Variants in ARSA observed in about 807,000 individuals in gnomAD.
The protein encoded by ARSA is cerebroside-sulfatase.
A neutral mutation model predicts 37.8 loss-of-function variants in ARSA; 32 were observed. The observed-to-expected ratio is 0.85, with a 90% CI of 0.64 to 1.14. The LOEUF (loss-of-function observed/expected upper bound fraction) is 1.14, where lower values mean the gene tolerates loss of function less well. ARSA is among the 50% of genes most tolerant of loss of function. ARSA has a pLI of 0.00. For synonymous variants in ARSA, 303 were observed against 303.4 expected, an observed-to-expected ratio of 1.00 and a Z score of 0.01; for missense variants, 685 against 686.3, an observed-to-expected ratio of 1.00 and a Z score of 0.02.
Position 50,626,740 on chromosome 22 carries a change from G to A in ARSA, c.705C>T (p.Phe235=), listed in dbSNP as rs371985225. 2 of 1,613,656 alleles carry A rather than the reference G, an allele frequency of 1.2e-6. No individual in the cohort carries two copies. The highest frequency in any genetic ancestry group is 2.7e-5 in the African/African-American group (2 of 74,932). The change falls in exon 4 of 8, where the codon TTC becomes TTT. Residue 235 remains phenylalanine, a synonymous_variant. Coordinates refer to ENST00000216124, the MANE Select transcript of ARSA (RefSeq NM_000487.6). ...AACGCTCTGCAAAGCTCTGCCCACT[G>A]AACTGAGGGTAGTGGGTGTGCTGGG... ...YASHHTHYPQ[F]SGQSFAERSG...
Position 50,628,058 on chromosome 22 carries a change from A to G in ARSA, c.-279T>C. ...GTCCGGGCTCAGGGTCGGGGGCGTAAGTCACTTGGCGCTGACCAGCGGAGT... is the reference window on the plus strand; with the variant it reads ...GTCCGGGCTCAGGGTCGGGGGCGTAGGTCACTTGGCGCTGACCAGCGGAGT... On this transcript the variant is annotated 5_prime_UTR_variant, in exon 1 of 8. Coordinates refer to ENST00000216124, the MANE Select transcript of ARSA (RefSeq NM_000487.6). 2.1e-6 allele frequency: 1 copy of G among 476,884 alleles called. No homozygotes were observed. Among genetic ancestry groups the G allele is most frequent in the East Asian group, 3.7e-5 (1 of 26,702 alleles). The allele number at this position is 476,884 out of a possible 1,614,324, so 29.5% of individuals were successfully genotyped here. A position where few individuals can be genotyped will look rare whatever the true frequency, so the allele number is the denominator to read the frequency against.
Position 50,625,297 on chromosome 22 carries a change from G to C in ARSA, c.1378C>G (p.Gln460Glu), listed in dbSNP as rs973061258. The stretch of plus-strand genomic sequence containing the variant: ...AACTGGGCCTTGAGCAGCTGAAGCT[G>C]TTTCAGGGCTTGCAGCACCTCTGGG... ...ATPEVLQALKQLQLLKAQLDA... is the reference protein window; with the variant it reads ...ATPEVLQALKELQLLKAQLDA... The change falls in exon 8 of 8, where the codon CAG (glutamine) becomes GAG (glutamate). Residue 460 changes from glutamine to glutamate, a missense_variant. By Grantham distance (29) the Gln-to-Glu change is conservative. Transcript: ENST00000216124. The C allele has an allele frequency of 6.8e-6, 11 of 1,612,910 alleles. No homozygotes were observed. The highest frequency in any genetic ancestry group is 9.3e-6 in the Non-Finnish European group (11 of 1,179,956).
Position 50,625,219 on chromosome 22 carries a change from C to CG in ARSA, c.1455dup (p.Ala486ArgfsTer87). The CG allele has an allele frequency of 6.2e-7, 1 of 1,607,770 alleles. No homozygotes were observed. Among genetic ancestry groups the CG allele is most frequent in the Non-Finnish European group, 8.5e-7 (1 of 1,176,888 alleles). On this transcript the variant is annotated frameshift_variant, in exon 8 of 8. Coordinates refer to ENST00000216124, the MANE Select transcript of ARSA (RefSeq NM_000487.6). LOFTEE classifies it high-confidence loss of function. ...CCAGGATGACAGCAGATCTGCAGGG[C>CG]GGGGTCCTCGCCCCGGGCCACCTGG...
intron 4 of ARSA, 78 bp from the exon 5 acceptor site, chr22:50,626,356 C>G (rs562926840): frequency 1.3e-6 from 2 of 1,582,694 alleles, no homozygotes; most frequent in African/African-American, 1.3e-5. Context: ...CCCCACACCT[C>G]TAAGTCACAA....
chr22:50,626,387 G>C, intron 4 of ARSA, 109 bp from the exon 5 acceptor site: 1 of 1,543,412 alleles, frequency 6.5e-7, no homozygotes, highest in Non-Finnish European at 8.7e-7. Flanking sequence ...GAGGTGCCCA[G>C]CATGAGCCCG....
At chr22:50,625,894 G>T (rs1202509973) in intron 6 of ARSA, 42 bp downstream of exon 6, 1 of 1,562,464 alleles carries the variant, frequency 6.4e-7, no homozygotes, top group Admixed American at 1.9e-5. Context: ...GGAAGGCCAG[G>T]ACAGGGGCCA....
At position 50,624,717 on chromosome 22, in the gene ARSA, C is replaced by T. The variant is rs965150074; in HGVS notation, c.*428G>A. ...ACTTTGCATCTTCTGAGTCTTCTGG[C>T]CCTCACACCCTCCCACCCTCCCACC... On this transcript the variant is annotated 3_prime_UTR_variant, in exon 8 of 8. Transcript: ENST00000216124. Among the ~76,000 whole-genome samples the T allele has an allele frequency of 4.0e-5, 6 of 151,884 alleles. No homozygotes were observed. The highest frequency in any genetic ancestry group is 1.2e-4 in the African/African-American group (5 of 41,434).
At chr22:50,627,526 G>A (rs769843976) in intron 1 of ARSA, 30 bp downstream of exon 1, 2 of 1,567,630 alleles carry the variant, frequency 1.3e-6, no homozygotes, top group Non-Finnish European at 1.7e-6. Context: ...GGAGGGTCGG[G>A]GCGGGGAAGA....
chr22:50,624,501 C>T lies in ARSA; in HGVS notation c.*644G>A, dbSNP rs929970654. Reference sequence around the variant, plus strand: ...GAGGCCTGGGAGGGTGGAGGGGCCCCAGAGGAGCCGTCTCAGGGCCTGCTG... The same window carrying T: ...GAGGCCTGGGAGGGTGGAGGGGCCCTAGAGGAGCCGTCTCAGGGCCTGCTG... On this transcript the variant is annotated 3_prime_UTR_variant, in exon 8 of 8. Coordinates refer to ENST00000216124, the MANE Select transcript of ARSA (RefSeq NM_000487.6). Among the ~76,000 whole-genome samples, 5 of 152,108 alleles carry T rather than the reference C, an allele frequency of 3.3e-5. No individual in the cohort carries two copies. Among genetic ancestry groups the T allele is most frequent in the Non-Finnish European group, 7.4e-5 (5 of 68,004 alleles).
chr22:50,627,795 G>C lies in ARSA; in HGVS notation c.-16C>G, dbSNP rs2082703346. The C allele has an allele frequency of 6.5e-7, 1 of 1,536,230 alleles. No individual in the cohort carries two copies. On this transcript the variant is annotated 5_prime_UTR_variant, in exon 1 of 8. Transcript: ENST00000216124. ...CCATGGACATGGGACCGAGGGGTCT[G>C]TCCCAAGAGAGGGAGGGCTACTTGG...
chr22:50,625,695 CA>C lies in ARSA; in HGVS notation c.1108-15del. 1 of 1,611,462 alleles carries C rather than the reference CA, an allele frequency of 6.2e-7. No individual in the cohort carries two copies. The highest frequency in any genetic ancestry group is 8.5e-7 in the Non-Finnish European group (1 of 1,178,352). ...CTGCCGAGGGCTCTGGGGGCAGAGT[CA>C]GGGGTCACGGGGCGGGGCAGGCCCC... On this transcript the variant is annotated splice_polypyrimidine_tract_variant and intron_variant, in intron 6 of 7. Coordinates refer to ENST00000216124, the MANE Select transcript of ARSA (RefSeq NM_000487.6).
At position 50,627,669 on chromosome 22, in the gene ARSA, G is replaced by GTGCCCATAGCAGCCCAGT. The variant is rs1569082469; in HGVS notation, c.110_111insACTGGGCTGCTATGGGCA (p.Asp37delinsGluLeuGlyCysTyrGlyHis). The GTGCCCATAGCAGCCCAGT allele has an allele frequency of 1.9e-6, 3 of 1,558,498 alleles. No homozygotes were observed. The highest frequency in any genetic ancestry group is 3.9e-5 in the Admixed American group (2 of 51,732). On this transcript the variant is annotated protein_altering_variant, in exon 1 of 8. Transcript: ENST00000216124. ...AGCTGGGGTGCCCATAGCAGCCCAG[G>GTGCCCATAGCAGCCCAGT]TCCCCATAGCCGAGGTCGTCGGCAA...
Position 50,624,927 on chromosome 22 carries a change from A to G in ARSA, c.*218T>C, listed in dbSNP as rs2082637256. On this transcript the variant is annotated 3_prime_UTR_variant, in exon 8 of 8. Transcript: ENST00000216124. ...CCTCTTTCTGGCTGGGTGATCTTGT[A>G]CAAGTCCTGAACCTCTCTGCACCTC... 1 of 588,762 alleles carries G rather than the reference A, an allele frequency of 1.7e-6. No homozygotes were observed. The highest frequency in any genetic ancestry group is 2.9e-6 in the Non-Finnish European group (1 of 349,696). The allele number at this position is 588,762 out of a possible 1,614,324, so 36.5% of individuals were successfully genotyped here. A position where few individuals can be genotyped will look rare whatever the true frequency, so the allele number is the denominator to read the frequency against.
rs757603437 is a variant in ARSA at position 50,625,612 on chromosome 22, T to C, written c.1177A>G (p.Thr393Ala). The change falls in exon 7 of 8, where the codon ACT becomes GCT. Residue 393 changes from threonine (T) to alanine (A), a missense_variant. Physicochemically the swap from Thr to Ala is moderately conservative, Grantham distance 58 (BLOSUM62 0). Transcript: ENST00000216124. The stretch of plus-strand genomic sequence containing the variant: ...AAGAAGTGAGCCTTGTACTTTCCAG[T>C]CCGCACAGCAAAAACCCCACGGACC... ...DEVRGVFAVR[T>A]GKYKAHFFTQ... 55 of 1,613,332 alleles carry C rather than the reference T, an allele frequency of 3.4e-5. No individual in the cohort carries two copies. Among genetic ancestry groups the C allele is most frequent in the Non-Finnish European group, 4.2e-5 (49 of 1,179,944 alleles).
chr22:50,625,733 A>G, intron 6 of ARSA, 52 bp from the exon 7 acceptor site: 17 of 1,582,820 alleles, frequency 1.1e-5, no homozygotes, highest in Non-Finnish European at 1.4e-5. Flanking sequence ...AGCACTGCAC[A>G]TACCTGGGGC....
Position 50,625,829 on chromosome 22 carries a change from A to T in ARSA, c.1107+107T>A. On this transcript the variant is annotated intron_variant, in intron 6 of 7. Transcript: ENST00000216124. ...AGGTGGCGCCACTTGGATGCCACTC[A>T]GTGCAGGAGGCACTGAGGCACAGAC... 4 of 1,538,160 alleles carry T rather than the reference A, an allele frequency of 2.6e-6. No homozygotes were observed. The South Asian group carries it at 3.6e-5, about 14-fold the overall frequency.
chr22:50,626,067 G>A lies in ARSA; in HGVS notation c.980-4C>T. On this transcript the variant is annotated splice_polypyrimidine_tract_variant and splice_region_variant and intron_variant, in intron 5 of 7. Transcript: ENST00000216124. ...CTGGCCAGCTCGTGGGTCACGCCTG[G>A]GGGCAGGAGGCTGGTCAGTCACTCA... 6.3e-7 allele frequency: 1 copy of A among 1,596,754 alleles called. No homozygotes were observed. The highest frequency in any genetic ancestry group is 8.5e-7 in the Non-Finnish European group (1 of 1,173,738).
rs752777806 is a variant in ARSA at position 50,627,161 on chromosome 22, C to G, written c.465+5G>C. 1 of 1,608,520 alleles carries G rather than the reference C, an allele frequency of 6.2e-7. No individual in the cohort carries two copies. Among genetic ancestry groups the G allele is most frequent in the Non-Finnish European group, 8.5e-7 (1 of 1,176,454 alleles). ...AGGGTGGCTGAGGGCCCGGGTGGTT[C>G]CTACCTGGTCGTGGGAGTACGGGAT... On this transcript the variant is annotated splice_donor_5th_base_variant and intron_variant, in intron 2 of 7. Coordinates refer to ENST00000216124, the MANE Select transcript of ARSA (RefSeq NM_000487.6).
rs1440161337 is a variant in ARSA at position 50,623,365 on chromosome 22, T to G, written c.*1780A>C. On this transcript the variant is annotated 3_prime_UTR_variant, in exon 8 of 8. Coordinates refer to ENST00000216124, the MANE Select transcript of ARSA (RefSeq NM_000487.6). The stretch of plus-strand genomic sequence containing the variant: ...AGGCCTCAAGGGCAAACTGGGTCAC[T>G]GTAAGGGGTTTGGATTTTCTTCTGA... 1 of 152,202 alleles carries G rather than the reference T, an allele frequency of 6.6e-6. No individual in the cohort carries two copies. Among genetic ancestry groups the G allele is most frequent in the African/African-American group, 2.4e-5 (1 of 41,446 alleles). The allele number at this position is 152,202 out of a possible 1,614,324, so 9.4% of individuals were successfully genotyped here. A position where few individuals can be genotyped will look rare whatever the true frequency, so the allele number is the denominator to read the frequency against.
Sources: allele counts gnomAD v4.1 joint callset (sites outside exome capture counted in the v4.1 genomes callset), GRCh38; gene constraint gnomAD v4.1.1; transcripts MANE v1.5; gene names NCBI Gene and HGNC (gene_info 2026-07-23, HGNC 2026-07-21).